Variants in CD160 observed in about 807,000 individuals in gnomAD.
The protein encoded by CD160 is CD160 molecule.
In CD160, 11 loss-of-function variants were observed where a neutral mutation model predicts 19.2. The observed-to-expected ratio is 0.57, with a 90% confidence interval of 0.36 to 0.95. The LOEUF (loss-of-function observed/expected upper bound fraction) is 0.95. Among genes scored for constraint, CD160 ranks in the 40% least tolerant of loss-of-function variants. The pLI, the probability that CD160 is intolerant of heterozygous loss-of-function variation, is 0.01. For missense variants in CD160, 182 were observed against 213.2 expected, an observed-to-expected ratio of 0.85 and a Z score of 0.91; for synonymous variants, 75 against 81.1, an observed-to-expected ratio of 0.93 and a Z score of 0.40.
At chr1:145,726,073 C>T (rs587598903) in intron 2 of CD160, among the ~76,000 whole-genome samples, 10 of 151,954 alleles carry the variant, frequency 6.6e-5, no homozygotes, top group African/African-American at 1.2e-4. Context: ...AAAGATACAA[C>T]GAGTGGAAAC....
chr1:145,732,895 T>C (rs1657349918), intron 4 of CD160, among the ~76,000 whole-genome samples: 1 of 152,188 alleles, frequency 6.6e-6, no homozygotes, highest in Non-Finnish European at 1.5e-5. Flanking sequence ...ATCTACTATA[T>C]TCTAGCACAT....
At chr1:145,720,709 C>G (rs744877) in intron 1 of CD160, among the ~76,000 whole-genome samples, 1 of 151,892 alleles carries the variant, frequency 6.6e-6, no homozygotes, top group African/African-American at 2.4e-5. Flanking sequence ...CTTGTCCCCA[C>G]CCTCCCCAGA....
Position 145,728,342 on chromosome 1 carries a change from C to A in CD160, c.15C>A (p.Pro5=). 6.2e-7 allele frequency: 1 copy of A among 1,612,868 alleles called. No homozygotes were observed. Among genetic ancestry groups the A allele is most frequent in the Non-Finnish European group, 8.5e-7 (1 of 1,179,518 alleles). Residue 5 remains proline, a synonymous_variant, in exon 3 of 6, where the codon CCC becomes CCA. Coordinates refer to ENST00000369288, the MANE Select transcript of CD160 (RefSeq NM_007053.4). ...CAGCGTGCAGGATGCTGTTGGAACC[C>A]GGCAGAGGCTGCTGTGCCCTGGCCA... The part of the protein sequence containing the change: MLLE[P]GRGCCALAIL...
chr1:145,736,155 A>T (rs782106446), intron 5 of CD160, 21 bp downstream of exon 5: 2 of 1,613,816 alleles, frequency 1.2e-6, no homozygotes, highest in South Asian at 2.2e-5. Context: ...AAGAGCCGTA[A>T]GCACCCCAAG....
At chr1:145,729,174 G>A (rs1657182208) in intron 3 of CD160, among the ~76,000 whole-genome samples, 1 of 152,182 alleles carries the variant, frequency 6.6e-6, no homozygotes, top group Non-Finnish European at 1.5e-5. Context: ...CAATGGCTGG[G>A]ATTGCAGGTC....
At chr1:145,728,484 T>C in intron 3 of CD160, 84 bp downstream of exon 3, 1 of 719,694 alleles carries the variant, frequency 1.4e-6, no homozygotes, top group Non-Finnish European at 2.3e-6. Context: ...TTTTCTCTAG[T>C]GGGGAAACAA....
At chr1:145,731,933 G>C (rs1553709450) in intron 4 of CD160, among the ~76,000 whole-genome samples, 1 of 152,118 alleles carries the variant, frequency 6.6e-6, no homozygotes, top group African/African-American at 2.4e-5. Flanking sequence ...AAACTAGAAA[G>C]GGGACAGGAC....
chr1:145,729,519 A>C (rs111694187), intron 3 of CD160, among the ~76,000 whole-genome samples: 3 of 145,392 alleles, frequency 2.1e-5, no homozygotes, highest in Non-Finnish European at 4.5e-5. Flanking sequence ...GAGAGATTAT[A>C]ATAATGGACT....
intron 4 of CD160, among the ~76,000 whole-genome samples, chr1:145,733,427 A>G (rs782767804): frequency 3.9e-5 from 6 of 152,202 alleles, no homozygotes; most frequent in African/African-American, 2.4e-5. Context: ...GGTGTGAGCC[A>G]CCGTGCCTGG....
chr1:145,738,775 C>A lies in CD160; in HGVS notation c.*282C>A. 1 of 296,194 alleles carries A rather than the reference C, an allele frequency of 3.4e-6. No individual in the cohort carries two copies. The highest frequency in any genetic ancestry group is 2.2e-5 in the African/African-American group (1 of 46,426). The allele number at this position is 296,194 out of a possible 1,614,324, so 18.3% of individuals were successfully genotyped here. The stretch of plus-strand genomic sequence containing the variant: ...AGTGGGTAGTATAGTCCTCAAATAT[C>A]GGATAAATATATGCGTTTTTGTACC... On this transcript the variant is annotated 3_prime_UTR_variant, in exon 6 of 6. Transcript: ENST00000369288.
chr1:145,720,246 C>T (rs587698535), intron 1 of CD160, among the ~76,000 whole-genome samples: 1 of 152,326 alleles, frequency 6.6e-6, no homozygotes, highest in African/African-American at 2.4e-5. Context: ...ACTGCTCTAC[C>T]ACACATTCTT....
chr1:145,727,346 AT>A (rs144285362), intron 2 of CD160, among the ~76,000 whole-genome samples: 127,200 of 151,948 alleles, frequency 0.84, 53,471 homozygotes, highest in African/African-American at 0.89. Context: ...TTATTAAACC[AT>A]TTTCCCTATT....
chr1:145,721,799 T>C (rs1656861199), intron 1 of CD160, among the ~76,000 whole-genome samples: 1 of 152,196 alleles, frequency 6.6e-6, no homozygotes, highest in African/African-American at 2.4e-5. Flanking sequence ...CAAACAACTA[T>C]GAAGGCCTAA....
chr1:145,723,601 G>A (rs781876174), intron 1 of CD160, among the ~76,000 whole-genome samples: 1 of 151,950 alleles, frequency 6.6e-6, no homozygotes, highest in Non-Finnish European at 1.5e-5. Context: ...GGGGCAGGAA[G>A]GCGACAAAGT....
chr1:145,722,673 G>A (rs1571670873), intron 1 of CD160, among the ~76,000 whole-genome samples: 1 of 152,150 alleles, frequency 6.6e-6, no homozygotes, highest in Non-Finnish European at 1.5e-5. Flanking sequence ...CTCACTGCAA[G>A]CTCCGCCTCT....
chr1:145,729,531 C>A (rs1657202449), intron 3 of CD160, among the ~76,000 whole-genome samples: 1 of 152,076 alleles, frequency 6.6e-6, no homozygotes, highest in Non-Finnish European at 1.5e-5. Context: ...TAATGGACTA[C>A]AAAATATAAA....
chr1:145,735,398 C>T (rs587696374), intron 4 of CD160, among the ~76,000 whole-genome samples: 2 of 152,206 alleles, frequency 1.3e-5, no homozygotes, highest in East Asian at 3.9e-4. Context: ...CCAGCCTGGG[C>T]AACACAGTGA....
chr1:145,731,678 T>TA (rs1428583358), intron 4 of CD160, among the ~76,000 whole-genome samples: 1 of 151,802 alleles, frequency 6.6e-6, no homozygotes, highest in Admixed American at 6.6e-5. Flanking sequence ...CTCAAAAAAA[T>TA]AAAAAACAAG....
intron 3 of CD160, 94 bp from the exon 4 acceptor site, chr1:145,730,650 C>T: frequency 1.0e-6 from 1 of 987,216 alleles, no homozygotes; most frequent in Non-Finnish European, 1.5e-6. Context: ...CTGCTTCAGT[C>T]CTTCCTTGAA....
Sources: allele counts gnomAD v4.1 joint callset (sites outside exome capture counted in the v4.1 genomes callset), GRCh38; gene constraint gnomAD v4.1.1; transcripts MANE v1.5; gene names NCBI Gene and HGNC (gene_info 2026-07-23, HGNC 2026-07-21).